The following ZFHX3 variants were observed in gnomAD, a reference collection of about 807,000 sequenced individuals.
ZFHX3 encodes zinc finger homeobox 3, also known as zinc finger homeobox protein 3.
ZFHX3 carries 42 observed loss-of-function variants against 279.1 expected under a neutral mutation model. The observed-to-expected ratio is 0.15, with a 90% CI of 0.12 to 0.19. ZFHX3 has a LOEUF of 0.19. Ranked by LOEUF, ZFHX3 falls within the 10% of genes least tolerant of loss-of-function variation. The probability of loss-of-function intolerance (pLI) is 1.00; values close to 1 mark genes in which losing one functional copy is unlikely to be tolerated. For synonymous variants in ZFHX3, 2,293 were observed against 1,957.8 expected, an observed-to-expected ratio of 1.17 and a Z score of -4.52; for missense variants, 4,981 against 4,754.0, an observed-to-expected ratio of 1.05 and a Z score of -1.40.
intron 4 of ZFHX3, among the ~76,000 whole-genome samples, chr16:73,299,787 A>C (rs967573901): frequency 6.6e-6 from 1 of 152,206 alleles, no homozygotes; most frequent in African/African-American, 2.4e-5. Context: ...GGAAGCAAAC[A>C]AAAGGTAATG....
chr16:73,212,114 A>G (rs184747147), intron 5 of ZFHX3, among the ~76,000 whole-genome samples: 70 of 152,038 alleles, frequency 4.6e-4, no homozygotes, highest in Admixed American at 2.9e-3. Context: ...GTTTCAAGTT[A>G]TCCATATTCA....
chr16:73,011,184 C>T (rs1401207992), intron 1 of ZFHX3, among the ~76,000 whole-genome samples: 19 of 152,092 alleles, frequency 1.2e-4, no homozygotes, highest in African/African-American at 4.3e-4. Flanking sequence ...GGTTTCACCA[C>T]GTTGGCCAGG....
At chr16:73,445,753 G>A (rs759884488) in intron 3 of ZFHX3, among the ~76,000 whole-genome samples, 13 of 152,120 alleles carry the variant, frequency 8.5e-5, no homozygotes, top group African/African-American at 1.4e-4. Flanking sequence ...CTGTGCCTGC[G>A]GTAGGCAGGA....
intron 3 of ZFHX3, among the ~76,000 whole-genome samples, chr16:73,321,520 T>C (rs1457462770): frequency 6.6e-6 from 1 of 152,238 alleles, no homozygotes; most frequent in East Asian, 1.9e-4. Context: ...TACAGCATTG[T>C]TTCCATTGCA....
intron 1 of ZFHX3, among the ~76,000 whole-genome samples, chr16:73,687,229 A>G (rs974504139): frequency 6.6e-6 from 1 of 150,514 alleles, no homozygotes. Context: ...TCTCTAAAAA[A>G]AAAAGTACAA....
At chr16:73,684,854 C>G (rs2053063256) in intron 1 of ZFHX3, among the ~76,000 whole-genome samples, 1 of 152,106 alleles carries the variant, frequency 6.6e-6, no homozygotes, top group Non-Finnish European at 1.5e-5. Context: ...GCACGCACCA[C>G]CACACCTGGC....
intron 4 of ZFHX3, among the ~76,000 whole-genome samples, chr16:72,865,414 C>T (rs1379613226): frequency 1.3e-5 from 2 of 152,226 alleles, no homozygotes; most frequent in Non-Finnish European, 1.5e-5. Context: ...TCTTCACCTT[C>T]ATGGCGGCCC....
chr16:73,707,126 T>C (rs1248607165), intron 1 of ZFHX3, among the ~76,000 whole-genome samples: 1 of 152,210 alleles, frequency 6.6e-6, no homozygotes, highest in Non-Finnish European at 1.5e-5. Context: ...TTCAACTTAT[T>C]TGAAGTCATC....
chr16:73,600,540 C>G (rs1276098330), intron 2 of ZFHX3, among the ~76,000 whole-genome samples: 1 of 151,900 alleles, frequency 6.6e-6, no homozygotes, highest in Non-Finnish European at 1.5e-5. Context: ...GCCTCAGCCT[C>G]CCAAGTAGCT....
intron 2 of ZFHX3, among the ~76,000 whole-genome samples, chr16:73,588,530 T>TA (rs1056336548): frequency 6.7e-6 from 1 of 149,548 alleles, no homozygotes; most frequent in African/African-American, 2.5e-5. Flanking sequence ...ACTAAAAATA[T>TA]AAAAAAAATA....
At chr16:73,629,789 CCTA>C (rs1366570312) in intron 2 of ZFHX3, among the ~76,000 whole-genome samples, 1 of 152,056 alleles carries the variant, frequency 6.6e-6, no homozygotes, top group Non-Finnish European at 1.5e-5. Context: ...GCTTGGAAAT[CCTA>C]CTAGTTAAAA....
In ZFHX3 at chr16:72,787,012, AAAC is replaced by A; in HGVS notation, c.*149_*151del. ...CACCGGCATAGATAGGTATATGGGA[AAAC>A]AACCCACGCTTTTTCTTTTTTTTCT... is the stretch of plus-strand genomic sequence containing the variant. On this transcript the variant is annotated 3_prime_UTR_variant, in exon 10 of 10. Transcript: ENST00000268489. 3.3e-6 allele frequency: 3 copies of A among 901,532 alleles called. No homozygotes were observed. Among genetic ancestry groups the A allele is most frequent in the Non-Finnish European group, 4.4e-6 (3 of 681,452 alleles). 55.8% of individuals were successfully genotyped at this position (901,532 alleles called of 1,614,324 possible).
chr16:72,961,146 G>C (rs911288030), intron 1 of ZFHX3, among the ~76,000 whole-genome samples: 2 of 152,162 alleles, frequency 1.3e-5, no homozygotes, highest in African/African-American at 4.8e-5. Context: ...TGGCTGGAGG[G>C]AGTGCGTTCC....
chr16:73,890,036 T>C lies in ZFHX3; in HGVS notation c.-1608+1615A>G, dbSNP rs547453624. 2.6e-4 allele frequency among the ~76,000 whole-genome samples: 39 copies of C among 152,220 alleles called. No homozygotes were observed. The South Asian group carries it at 7.7e-3, about 30-fold the overall frequency. On this transcript the variant is annotated intron_variant, in intron 1 of 17. Transcript: ENST00000641206. ...ATCAGGGTTATTGCACACATAACAA[T>C]TAGTCCTAAATTTCTATACTGATTT...
intron 6 of ZFHX3, among the ~76,000 whole-genome samples, chr16:73,133,203 T>G (rs1373147697): frequency 6.6e-6 from 1 of 152,212 alleles, no homozygotes; most frequent in Non-Finnish European, 1.5e-5. Flanking sequence ...AGAATGTGAC[T>G]GTATTTAGAG....
intron 1 of ZFHX3, among the ~76,000 whole-genome samples, chr16:73,786,943 T>C (rs1959668297): frequency 1.3e-5 from 2 of 152,234 alleles, no homozygotes; most frequent in South Asian, 2.1e-4. Flanking sequence ...CTTGGTGTTG[T>C]CTTTTTCAGG....
chr16:73,325,928 AACACACAC>A (rs140609871), intron 3 of ZFHX3, among the ~76,000 whole-genome samples: 3 of 145,492 alleles, frequency 2.1e-5, no homozygotes, highest in South Asian at 2.2e-4. Context: ...CACACACACA[AACACACAC>A]ACACACACAC....
chr16:73,044,093 A>G (rs765790152), intron 1 of ZFHX3, among the ~76,000 whole-genome samples: 1 of 152,034 alleles, frequency 6.6e-6, no homozygotes, highest in Non-Finnish European at 1.5e-5. Context: ...AGCTCCTGCC[A>G]AGGAATTCCC....
chr16:73,409,015 A>C (rs1382574387), intron 3 of ZFHX3, among the ~76,000 whole-genome samples: 1 of 152,170 alleles, frequency 6.6e-6, no homozygotes, highest in Non-Finnish European at 1.5e-5. Context: ...TAGTTTAAAC[A>C]CTTCGTTCTC....
Sources: allele counts gnomAD v4.1 joint callset (sites outside exome capture counted in the v4.1 genomes callset), GRCh38; gene constraint gnomAD v4.1.1; transcripts MANE v1.5; gene names NCBI Gene and HGNC (gene_info 2026-07-23, HGNC 2026-07-21).